Variants in ELN observed in about 807,000 individuals in gnomAD.
ELN encodes the protein tropoelastin.
In ELN, 65 loss-of-function variants were observed where a neutral mutation model predicts 105.8. The observed-to-expected ratio is 0.61, with a 90% CI of 0.50 to 0.75. The LOEUF (loss-of-function observed/expected upper bound fraction) is 0.75. ELN is among the 30% of genes least tolerant of loss of function. The probability of loss-of-function intolerance (pLI) is 0.00; values close to 1 mark genes in which losing one functional copy is unlikely to be tolerated. For missense variants in ELN, 882 were observed against 969.4 expected (o/e 0.91, Z 1.20); for synonymous variants, 368 against 389.2 (o/e 0.95, Z 0.64).
chr7:74,030,650 C>T (rs1554661699), intron 1 of ELN, among the ~76,000 whole-genome samples: 1 of 151,844 alleles, frequency 6.6e-6, no homozygotes, highest in Non-Finnish European at 1.5e-5. Flanking sequence ...CTCCCACCTC[C>T]GCCTCCCAAA....
intron 1 of ELN, among the ~76,000 whole-genome samples, chr7:74,032,801 G>A (rs1262654295): frequency 6.6e-6 from 1 of 152,174 alleles, no homozygotes; most frequent in Non-Finnish European, 1.5e-5. Context: ...ACAAGCCCAA[G>A]GCAGGGGGAC....
chr7:74,058,531 T>G (rs1795894184), intron 22 of ELN, among the ~76,000 whole-genome samples: 1 of 151,960 alleles, frequency 6.6e-6, no homozygotes, highest in South Asian at 2.1e-4. Context: ...TTTTTTAATT[T>G]TTTTGTAGCG....
Position 74,036,563 on chromosome 7 carries a change from C to A in ELN, c.142C>A (p.Leu48Ile), listed in dbSNP as rs782184746. 1.2e-6 allele frequency: 2 copies of A among 1,614,000 alleles called. No homozygotes were observed. Among genetic ancestry groups the A allele is most frequent in the Admixed American group, 1.7e-5 (1 of 60,000 alleles). The change falls in exon 3 of 33, where the codon CTC (leucine) becomes ATC (isoleucine). Residue 48 changes from leucine to isoleucine, a missense_variant. Leu to Ile is a conservative substitution (Grantham distance 5, BLOSUM62 2). Transcript: ENST00000252034. ...PGGVFYPGAGLGALGGGALGP... is the reference protein window; with the variant it reads ...PGGVFYPGAGIGALGGGALGP... ...TTTCTCTCCCCCCACAGGGGCTGGT[C>A]TCGGAGCCCTTGGAGGAGGAGGTGA...
chr7:74,058,317 G>A (rs978025451), intron 22 of ELN, among the ~76,000 whole-genome samples: 9 of 130,486 alleles, frequency 6.9e-5, no homozygotes, highest in Admixed American at 2.5e-4. Flanking sequence ...CTTCTCTTCC[G>A]TCTTTCTTCT....
intron 9 of ELN, 62 bp from the exon 10 acceptor site, chr7:74,045,160 G>A (rs1554671252): frequency 2.8e-5 from 45 of 1,599,146 alleles, no homozygotes; most frequent in African/African-American, 1.3e-5. Flanking sequence ...GAGGAGGGGA[G>A]GGGTTCCCAG....
intron 13 of ELN, 88 bp from the exon 14 acceptor site, chr7:74,048,054 C>T: frequency 6.5e-7 from 1 of 1,542,644 alleles, no homozygotes; most frequent in Non-Finnish European, 9.0e-7. Context: ...CTCAGGACAG[C>T]TTGGGCCCCG....
At position 74,063,362 on chromosome 7, in the gene ELN, C is replaced by A. The variant is rs1797136001; in HGVS notation, c.1911C>A (p.Ala637=). 2 of 1,547,126 alleles carry A rather than the reference C, an allele frequency of 1.3e-6. No individual in the cohort carries two copies. Among genetic ancestry groups the A allele is most frequent in the Non-Finnish European group, 1.7e-6 (2 of 1,147,548 alleles). The change falls in exon 28 of 33, where the codon GCC becomes GCA. Residue 637 remains alanine, a synonymous_variant. Coordinates refer to ENST00000252034, the MANE Select transcript of ELN (RefSeq NM_000501.4). The surrounding 1 kb of genome is among the most constrained non-coding windows in gnomAD (Gnocchi z 4.1). ...AAAAKAAAKA[A]QFGLVGAAGL... ...CAGCCAAAGCTGCTGCCAAAGCCGC[C>A]CAGTTTGGTGAGCACTGGGTGGAGG... is the stretch of plus-strand genomic sequence containing the variant.
chr7:74,037,225 C>T (rs1790175800), intron 3 of ELN, among the ~76,000 whole-genome samples: 1 of 145,498 alleles, frequency 6.9e-6, no homozygotes, highest in African/African-American at 2.5e-5. Context: ...CAAAGTCTTG[C>T]TCTTGTCACC....
chr7:74,059,802 G>T, intron 22 of ELN, 84 bp from the exon 23 acceptor site: 1 of 813,586 alleles, frequency 1.2e-6, no homozygotes, highest in Admixed American at 1.7e-5. Flanking sequence ...CTATGCCAGG[G>T]CCGAGGCTCC....
At chr7:74,061,286 G>A (rs1796590556) in intron 26 of ELN, 147 bp downstream of exon 26, 1 of 961,840 alleles carries the variant, frequency 1.0e-6, no homozygotes, top group Non-Finnish European at 1.6e-6. Context: ...GGAGGCCGAG[G>A]CAGGCAGATC....
intron 10 of ELN, 90 bp from the exon 11 acceptor site, chr7:74,046,098 G>A: frequency 6.4e-7 from 1 of 1,560,530 alleles, no homozygotes; most frequent in African/African-American, 1.4e-5. Flanking sequence ...GGGAAGAACT[G>A]GCCATTCCTT....
chr7:74,031,751 C>CTATTTAAAAAATAAATGAA (rs1788692680), intron 1 of ELN, among the ~76,000 whole-genome samples: 1 of 147,776 alleles, frequency 6.8e-6, no homozygotes, highest in Non-Finnish European at 1.5e-5. Context: ...GCCCCCGTCT[C>CTATTTAAAAAATAAATGAA]TATTTAAAAA....
At chr7:74,051,346 A>G (rs1331413824) in intron 15 of ELN, among the ~76,000 whole-genome samples, 1 of 152,178 alleles carries the variant, frequency 6.6e-6, no homozygotes, top group African/African-American at 2.4e-5. Context: ...GCGGGAGAGC[A>G]GGGCTGTGAG....
intron 6 of ELN, 111 bp downstream of exon 6, chr7:74,042,817 G>C: frequency 2.0e-6 from 3 of 1,535,378 alleles, no homozygotes; most frequent in Middle Eastern, 1.7e-4. Context: ...GGGTGGGATT[G>C]TCAGTTGCAA....
intron 26 of ELN, among the ~76,000 whole-genome samples, chr7:74,061,924 C>T (rs1375989988): frequency 2.6e-5 from 4 of 152,196 alleles, no homozygotes; most frequent in African/African-American, 4.8e-5. Context: ...TCCACCCCAG[C>T]TCTCTGGCCC....
chr7:74,061,019 G>T (rs1796527881), intron 25 of ELN, 82 bp from the exon 26 acceptor site: 1 of 1,554,182 alleles, frequency 6.4e-7, no homozygotes, highest in South Asian at 1.1e-5. Context: ...GGAAGTCAGG[G>T]AGGGCTCTCT....
Position 74,048,221 on chromosome 7 carries a change from A to C in ELN, c.745+20A>C. ...GGACAGGTAAGGAAAGCCTCACGTCACTTCCAGCCAAGGGAGCACTGATCT... is the reference window on the plus strand; with the variant it reads ...GGACAGGTAAGGAAAGCCTCACGTCCCTTCCAGCCAAGGGAGCACTGATCT... On this transcript the variant is annotated intron_variant, in intron 14 of 32. Transcript: ENST00000252034. The C allele has an allele frequency of 6.2e-7, 1 of 1,613,898 alleles. No homozygotes were observed. Among genetic ancestry groups the C allele is most frequent in the South Asian group, 1.1e-5 (1 of 91,078 alleles).
At chr7:74,064,742 G>T (rs999474813) in intron 29 of ELN, among the ~76,000 whole-genome samples, 3 of 152,136 alleles carry the variant, frequency 2.0e-5, no homozygotes, top group Non-Finnish European at 4.4e-5. Flanking sequence ...AGTAAATTAG[G>T]AGAATGATGG....
In ELN at chr7:74,063,490, T is replaced by C. The variant is rs573836309; in HGVS notation, c.1918+121T>C. On this transcript the variant is annotated intron_variant, in intron 28 of 32. Transcript: ENST00000252034. The surrounding 1 kb of genome is among the most constrained non-coding windows in gnomAD (Gnocchi z 4.1). ...TGCCCCAGACACCTCCTGGCTCCAC[T>C]GTGCCATCGAAGGCCAGGGGAGACC... 1.7e-5 allele frequency: 28 copies of C among 1,606,334 alleles called. No homozygotes were observed. The highest frequency in any genetic ancestry group is 1.7e-4 in the South Asian group (15 of 90,666).
Sources: gnomAD v4.1 joint callset for allele counts (sites outside exome capture counted in the v4.1 genomes callset) on GRCh38, gnomAD v4.1.1 for gene constraint, Gnocchi (gnomAD v3.1) non-coding constraint, MANE v1.5 for transcripts, NCBI Gene and HGNC (gene_info 2026-07-23, HGNC 2026-07-21) for gene names.